Variants in PI4KA observed in about 807,000 individuals in gnomAD.
PI4KA encodes the protein PI4-kinase alpha.
PI4KA carries 122 observed loss-of-function variants against 271.4 expected under a neutral mutation model. The observed-to-expected ratio is 0.45, with a 90% CI of 0.39 to 0.52. The LOEUF (loss-of-function observed/expected upper bound fraction) is 0.52, where lower values mean the gene tolerates loss of function less well. Ranked by LOEUF, PI4KA falls within the 20% of genes least tolerant of loss-of-function variation. The pLI is 0.00. For missense variants in PI4KA, 1,969 were observed against 2,769.1 expected, an observed-to-expected ratio of 0.71 and a Z score of 6.48; for synonymous variants, 1,041 against 1,078.8, an observed-to-expected ratio of 0.96 and a Z score of 0.69.
intron 23 of PI4KA, among the ~76,000 whole-genome samples, chr22:20,754,165 G>A (rs80181425): frequency 0.12 from 18,288 of 152,116 alleles, 1,625 homozygotes; most frequent in East Asian, 0.36. Context: ...TAGCTCAGCT[G>A]CAACCTTGAT....
intron 19 of PI4KA, among the ~76,000 whole-genome samples, chr22:20,788,397 T>C (rs1934411188): frequency 1.3e-5 from 2 of 152,174 alleles, no homozygotes; most frequent in Non-Finnish European, 1.5e-5. Context: ...CTGCCCTTTG[T>C]AGGCATGCCT....
At chr22:20,825,530 G>A (rs1200323578) in intron 3 of PI4KA, among the ~76,000 whole-genome samples, 2 of 152,160 alleles carry the variant, frequency 1.3e-5, no homozygotes, top group African/African-American at 2.4e-5. Flanking sequence ...AGGAGGTGGA[G>A]GTTGCAGTGA....
At chr22:20,812,836 G>A (rs1358859122) in intron 8 of PI4KA, among the ~76,000 whole-genome samples, 5 of 152,232 alleles carry the variant, frequency 3.3e-5, no homozygotes, top group African/African-American at 4.8e-5. Context: ...TTACTGGCAT[G>A]AGCCACGGCG....
At chr22:20,761,428 G>T in intron 22 of PI4KA, 42 bp from the exon 23 acceptor site, 1 of 1,270,154 alleles carries the variant, frequency 7.9e-7, no homozygotes, top group Non-Finnish European at 1.2e-6. Flanking sequence ...AAAAATCTGG[G>T]CCCTCCCTAT....
intron 39 of PI4KA, among the ~76,000 whole-genome samples, chr22:20,728,582 C>T (rs1927641946): frequency 1.3e-5 from 2 of 152,222 alleles, no homozygotes; most frequent in African/African-American, 4.8e-5. Context: ...CATGAAGGGG[C>T]AGCTACTGGT....
intron 40 of PI4KA, 42 bp downstream of exon 40, chr22:20,727,732 T>C (rs772846555): frequency 6.9e-7 from 1 of 1,453,174 alleles, no homozygotes; most frequent in East Asian, 2.3e-5. Context: ...TGTGCTATTT[T>C]GTGCAGTTTG....
chr22:20,718,587 G>A (rs1926305431), intron 44 of PI4KA, 106 bp downstream of exon 44: 1 of 1,302,202 alleles, frequency 7.7e-7, no homozygotes, highest in African/African-American at 1.5e-5. Context: ...TCATTCATCT[G>A]GTTGGGGCCA....
At chr22:20,815,831 C>T (rs149749134) in intron 7 of PI4KA, among the ~76,000 whole-genome samples, 529 of 152,282 alleles carry the variant, frequency 3.5e-3, no homozygotes, top group South Asian at 0.029. Context: ...TGGGCTAAGT[C>T]CTGTGTGGCT....
chr22:20,761,814 G>A (rs995721318), intron 22 of PI4KA, among the ~76,000 whole-genome samples: 7 of 152,196 alleles, frequency 4.6e-5, no homozygotes, highest in Non-Finnish European at 1.5e-5. Flanking sequence ...AAAAAGGAAG[G>A]TGCAGGGAAC....
chr22:20,818,882 C>T (rs1362875626), intron 6 of PI4KA, among the ~76,000 whole-genome samples: 1 of 152,182 alleles, frequency 6.6e-6, no homozygotes, highest in Admixed American at 6.5e-5. Flanking sequence ...CACCCAACTG[C>T]TATGAAACAT....
intron 19 of PI4KA, among the ~76,000 whole-genome samples, chr22:20,767,275 T>C (rs1203712304): frequency 2.0e-5 from 3 of 152,182 alleles, no homozygotes; most frequent in East Asian, 3.9e-4. Context: ...ACCCTGTCTC[T>C]ACTAAAAAAT....
At chr22:20,820,496 A>T in intron 5 of PI4KA, 43 bp downstream of exon 5, 1 of 1,266,604 alleles carries the variant, frequency 7.9e-7, no homozygotes, top group South Asian at 1.3e-5. Context: ...GGGAAAGAGT[A>T]ACCACAAAAC....
At chr22:20,828,605 AGT>A (rs1923752450) in intron 3 of PI4KA, among the ~76,000 whole-genome samples, 1 of 151,426 alleles carries the variant, frequency 6.6e-6, no homozygotes, top group South Asian at 2.1e-4. Flanking sequence ...GCCAGATTGG[AGT>A]GCGGTGGCGT....
chr22:20,754,458 C>T (rs1931053631), intron 23 of PI4KA, among the ~76,000 whole-genome samples: 1 of 152,172 alleles, frequency 6.6e-6, no homozygotes, highest in African/African-American at 2.4e-5. Context: ...TAAATGCTAC[C>T]TCCTGAAGGA....
chr22:20,725,325 T>C (rs1226594546), intron 42 of PI4KA: 2 of 195,652 alleles, frequency 1.0e-5, no homozygotes, highest in East Asian at 2.6e-4. Flanking sequence ...CTGTGGTCAT[T>C]CCCATGGATA....
At chr22:20,805,261 A>C (rs1601537407) in intron 10 of PI4KA, 96 bp from the exon 11 acceptor site, 1 of 860,542 alleles carries the variant, frequency 1.2e-6, no homozygotes. Flanking sequence ...TTTAACAAAA[A>C]CCCCAGAAAA....
chr22:20,753,103 G>C lies in PI4KA; in HGVS notation c.2862+7C>G. The C allele has an allele frequency of 6.2e-7, 1 of 1,614,174 alleles. No individual in the cohort carries two copies. The highest frequency in any genetic ancestry group is 8.5e-7 in the Non-Finnish European group (1 of 1,180,022). On this transcript the variant is annotated splice_region_variant and intron_variant, in intron 24 of 54. Transcript: ENST00000255882. ...GACAGACACGCATTCATGCTGGAGA[G>C]GCTTACTTTATCCGCCATCATGTTC... is the stretch of plus-strand genomic sequence containing the variant.
intron 29 of PI4KA, among the ~76,000 whole-genome samples, chr22:20,746,849 C>A (rs1930171904): frequency 6.6e-6 from 1 of 152,158 alleles, no homozygotes; most frequent in Non-Finnish European, 1.5e-5. Flanking sequence ...TCAGGCCCCA[C>A]AAAAGCCAGA....
intron 25 of PI4KA, among the ~76,000 whole-genome samples, chr22:20,752,157 T>C (rs1415487994): frequency 6.6e-6 from 1 of 152,218 alleles, no homozygotes; most frequent in African/African-American, 2.4e-5. Context: ...TGGGCTCCGA[T>C]GGCCCCAGGG....
Sources: gnomAD v4.1 joint callset for allele counts (sites outside exome capture counted in the v4.1 genomes callset) on GRCh38, gnomAD v4.1.1 for gene constraint, MANE v1.5 for transcripts, NCBI Gene and HGNC (gene_info 2026-07-23, HGNC 2026-07-21) for gene names.